AKAP19: variants seen among roughly 807,000 people sequenced by gnomAD.
AKAP19 encodes A-kinase anchoring protein 19.
At chr2:189,902,480 T>C in the AKAP19 span, among the ~76,000 whole-genome samples, 1 of 152,032 alleles carries the variant, frequency 6.6e-6, no homozygotes, top group Admixed American at 6.6e-5. Context: ...TTAAAAGACG[T>C]TTTAAATGCA....
At chr2:190,187,270 A>G in the AKAP19 span, among the ~76,000 whole-genome samples, 4 of 152,220 alleles carry the variant, frequency 2.6e-5, no homozygotes, top group African/African-American at 9.6e-5. Flanking sequence ...AAGGCATCTT[A>G]GAAACCTGTG....
chr2:189,916,042 G>T, the AKAP19 span, among the ~76,000 whole-genome samples: 1 of 151,912 alleles, frequency 6.6e-6, no homozygotes, highest in East Asian at 1.9e-4. Context: ...AGCTTTCCCA[G>T]GCAGATATAA....
chr2:190,178,535 A>G, the AKAP19 span, among the ~76,000 whole-genome samples: 1 of 152,172 alleles, frequency 6.6e-6, no homozygotes, highest in African/African-American at 2.4e-5. This position sits in a 1 kb window ranked among gnomAD's most constrained non-coding sequence, Gnocchi z 6.3. Context: ...GGCAGAGGCC[A>G]CGGGCTAGGT....
At chr2:190,020,977 A>C in the AKAP19 span, among the ~76,000 whole-genome samples, 1 of 152,230 alleles carries the variant, frequency 6.6e-6, no homozygotes, top group African/African-American at 2.4e-5. Context: ...AGCATATATC[A>C]GAATTTCCTT....
chr2:189,956,242 T>C, the AKAP19 span, among the ~76,000 whole-genome samples: 14 of 141,160 alleles, frequency 9.9e-5, no homozygotes, highest in African/African-American at 3.5e-4. Flanking sequence ...GGATCTCGGC[T>C]CACTGCAAGC....
chr2:189,958,539 A>ATG, the AKAP19 span, among the ~76,000 whole-genome samples: 1 of 148,070 alleles, frequency 6.8e-6, no homozygotes, highest in South Asian at 2.1e-4. Flanking sequence ...ATATATATAT[A>ATG]TATAACATTG....
At chr2:189,924,031 T>C in the AKAP19 span, 1 of 1,557,464 alleles carries the variant, frequency 6.4e-7, no homozygotes, top group Middle Eastern at 1.7e-4. Flanking sequence ...TGAAGAAAGA[T>C]GAGACTAATG....
the AKAP19 span, among the ~76,000 whole-genome samples, chr2:190,021,481 G>T: frequency 6.6e-6 from 1 of 152,212 alleles, no homozygotes; most frequent in Non-Finnish European, 1.5e-5. Flanking sequence ...CACTGTGGCA[G>T]TCATGGAGGG....
At chr2:190,023,997 G>T in the AKAP19 span, among the ~76,000 whole-genome samples, 1 of 151,706 alleles carries the variant, frequency 6.6e-6, no homozygotes, top group Admixed American at 6.6e-5. Context: ...TAATTTTTTT[G>T]TACCTATAAA....
At chr2:190,031,491 G>T in the AKAP19 span, among the ~76,000 whole-genome samples, 1 of 152,028 alleles carries the variant, frequency 6.6e-6, no homozygotes, top group Non-Finnish European at 1.5e-5. Flanking sequence ...GCTCTTAAAA[G>T]ACTTTATTTT....
the AKAP19 span, among the ~76,000 whole-genome samples, chr2:190,179,563 C>T: frequency 6.6e-6 from 1 of 152,118 alleles, no homozygotes; most frequent in African/African-American, 2.4e-5. The surrounding 1 kb of genome is among the most constrained non-coding windows in gnomAD (Gnocchi z 6.0). Flanking sequence ...TGTATATAAC[C>T]TTAGCTAATT....
the AKAP19 span, among the ~76,000 whole-genome samples, chr2:190,097,934 A>T: frequency 7.2e-5 from 11 of 151,858 alleles, no homozygotes; most frequent in Non-Finnish European, 1.3e-4. Flanking sequence ...GTAAGTCCTC[A>T]TCTGTTCAGG....
At chr2:189,946,664 C>A in the AKAP19 span, among the ~76,000 whole-genome samples, 1 of 152,112 alleles carries the variant, frequency 6.6e-6, no homozygotes, top group African/African-American at 2.4e-5. Context: ...TCTTAGATTA[C>A]TAGATTTTTA....
At chr2:189,885,912 G>A in the AKAP19 span, among the ~76,000 whole-genome samples, 1 of 152,012 alleles carries the variant, frequency 6.6e-6, no homozygotes, top group Admixed American at 6.6e-5. Context: ...GGGTTCAAGC[G>A]ATTCACCTGC....
the AKAP19 span, among the ~76,000 whole-genome samples, chr2:190,000,047 C>T: frequency 6.6e-6 from 1 of 152,200 alleles, no homozygotes; most frequent in African/African-American, 2.4e-5. Flanking sequence ...TCTAGCAGTA[C>T]AGGAACTAAG....
At chr2:190,047,080 C>T in the AKAP19 span, among the ~76,000 whole-genome samples, 1 of 152,156 alleles carries the variant, frequency 6.6e-6, no homozygotes, top group African/African-American at 2.4e-5. Context: ...CCTTCACTGA[C>T]AGTATCAAGT....
chr2:190,140,266 A>G, the AKAP19 span, among the ~76,000 whole-genome samples: 1 of 152,216 alleles, frequency 6.6e-6, no homozygotes, highest in Non-Finnish European at 1.5e-5. Flanking sequence ...TTTTCCAGAT[A>G]CACGGTGCAA....
chr2:190,149,317 A>G, the AKAP19 span, among the ~76,000 whole-genome samples: 9,821 of 151,904 alleles, frequency 0.065, 408 homozygotes, highest in East Asian at 0.12. Flanking sequence ...TTTTGTTTCA[A>G]TTTCACTTAG....
At chr2:189,935,342 T>C in the AKAP19 span, among the ~76,000 whole-genome samples, 18 of 152,130 alleles carry the variant, frequency 1.2e-4, no homozygotes, top group Non-Finnish European at 1.9e-4. Flanking sequence ...CTGGAAAAGA[T>C]AGTTTGAAGA....
Sources: gnomAD v4.1 joint callset for allele counts (sites outside exome capture counted in the v4.1 genomes callset) on GRCh38, gnomAD v4.1.1 for gene constraint, Gnocchi (gnomAD v3.1) non-coding constraint, MANE v1.5 for transcripts, NCBI Gene and HGNC (gene_info 2026-07-23, HGNC 2026-07-21) for gene names.